PCCA: variants seen among roughly 807,000 people sequenced by gnomAD.
PCCA encodes propionyl-CoA carboxylase alpha chain, mitochondrial.
A neutral mutation model predicts 101.3 loss-of-function variants in PCCA; 74 were observed. That is an observed-to-expected ratio of 0.73 (90% CI 0.61 to 0.89). The LOEUF (loss-of-function observed/expected upper bound fraction) is 0.89, where lower values mean the gene tolerates loss of function less well. Ranked by LOEUF, PCCA falls within the 40% of genes least tolerant of loss-of-function variation. The pLI, the probability that PCCA is intolerant of heterozygous loss-of-function variation, is 0.00. For missense variants in PCCA, 891 were observed against 907.0 expected (o/e 0.98, Z 0.23); for synonymous variants, 294 against 313.6 (o/e 0.94, Z 0.66).
intron 7 of PCCA, among the ~76,000 whole-genome samples, chr13:100,224,354 T>C (rs913133449): frequency 2.0e-5 from 3 of 152,218 alleles, no homozygotes; most frequent in African/African-American, 7.2e-5. Context: ...GTGCGGGGCC[T>C]GCCAAGCCCA....
intron 18 of PCCA, among the ~76,000 whole-genome samples, chr13:100,349,881 T>C (rs2073049794): frequency 6.6e-6 from 1 of 152,238 alleles, no homozygotes; most frequent in African/African-American, 2.4e-5. Context: ...GCAGTCATTG[T>C]GTCTGCATTT....
chr13:100,499,117 A>G (rs2085486738), intron 21 of PCCA, among the ~76,000 whole-genome samples: 1 of 152,224 alleles, frequency 6.6e-6, no homozygotes, highest in African/African-American at 2.4e-5. Flanking sequence ...GGGCGTGTGC[A>G]GTCAACACAC....
intron 20 of PCCA, among the ~76,000 whole-genome samples, chr13:100,431,659 G>T (rs754833340): frequency 6.6e-6 from 1 of 151,972 alleles, no homozygotes; most frequent in Non-Finnish European, 1.5e-5. Context: ...GAGGTCAGGA[G>T]ATCGAGACCA....
intron 4 of PCCA, among the ~76,000 whole-genome samples, chr13:100,134,437 G>A (rs192269977): frequency 9.7e-4 from 148 of 152,314 alleles, no homozygotes; most frequent in African/African-American, 3.4e-3. Flanking sequence ...AAATCCTGCT[G>A]AGATTTTGAT....
rs2152588978 is a variant in PCCA at position 100,273,301 on chromosome 13, C to T, written c.1020C>T (p.Asp340=). 6.2e-7 allele frequency: 1 copy of T among 1,612,596 alleles called. No individual in the cohort carries two copies. Among genetic ancestry groups the T allele is most frequent in the African/African-American group, 1.3e-5 (1 of 75,010 alleles). ...SSAGTVEFLV[D]SKKNFYFLEM... is the part of the protein sequence containing the mutation. ...CTGGGACCGTGGAGTTCCTTGTGGA[C>T]TCTAAGAAGAATTTTTATTTCTTGG... is the stretch of plus-strand genomic sequence containing the variant. Residue 340 remains aspartate (D), a synonymous_variant, in exon 12 of 24, where the codon GAC becomes GAT. Transcript: ENST00000376285.
chr13:100,341,096 A>G (rs2071240189), intron 18 of PCCA, among the ~76,000 whole-genome samples: 1 of 152,084 alleles, frequency 6.6e-6, no homozygotes, highest in Non-Finnish European at 1.5e-5. Context: ...TGTAGTTGGT[A>G]CTCTTCACTT....
chr13:100,513,682 A>G (rs1184297184), intron 21 of PCCA, among the ~76,000 whole-genome samples: 3 of 152,244 alleles, frequency 2.0e-5, no homozygotes, highest in Admixed American at 2.0e-4. Context: ...TTCTCAGCGA[A>G]TGAAGATACT....
intron 4 of PCCA, among the ~76,000 whole-genome samples, chr13:100,116,129 A>G (rs547184141): frequency 5.2e-4 from 79 of 152,352 alleles, no homozygotes; most frequent in Non-Finnish European, 9.4e-4. Flanking sequence ...GGTTACTATC[A>G]TAGCTAATCA....
Position 100,515,581 on chromosome 13 carries a change from G to A in PCCA, c.2040+14G>A, listed in dbSNP as rs2086776477. ...CCTGGAGACGCGGTAAGGGCTGTGT[G>A]TGTCTCTCTGCAGGACATGCTGGTC... is the stretch of plus-strand genomic sequence containing the variant. On this transcript the variant is annotated intron_variant, in intron 22 of 23. Coordinates refer to ENST00000376285, the MANE Select transcript of PCCA (RefSeq NM_000282.4). 6.2e-7 allele frequency: 1 copy of A among 1,612,758 alleles called. No individual in the cohort carries two copies. Among genetic ancestry groups the A allele is most frequent in the East Asian group, 2.2e-5 (1 of 44,882 alleles).
At chr13:100,499,549 A>T (rs190111099) in intron 21 of PCCA, among the ~76,000 whole-genome samples, 1 of 152,222 alleles carries the variant, frequency 6.6e-6, no homozygotes, top group African/African-American at 2.4e-5. Flanking sequence ...ACAGACTTTT[A>T]TGTTGGGACA....
chr13:100,478,626 G>T (rs972698565), intron 21 of PCCA, among the ~76,000 whole-genome samples: 1 of 152,306 alleles, frequency 6.6e-6, no homozygotes, highest in East Asian at 1.9e-4. Context: ...GAAATTGCCT[G>T]GTCAGGAGGG....
intron 12 of PCCA, among the ~76,000 whole-genome samples, chr13:100,281,375 A>C (rs1176138340): frequency 6.6e-6 from 1 of 152,222 alleles, no homozygotes; most frequent in Non-Finnish European, 1.5e-5. Flanking sequence ...TAAGATGGAA[A>C]AGACATTAAA....
chr13:100,492,067 A>T (rs72658600), intron 21 of PCCA, among the ~76,000 whole-genome samples: 4,368 of 152,068 alleles, frequency 0.029, 90 homozygotes, highest in Non-Finnish European at 0.045. Context: ...GTTCAATATG[A>T]CTTTTAGAAG....
chr13:100,467,718 C>T (rs1299941183), intron 21 of PCCA, among the ~76,000 whole-genome samples: 1 of 152,170 alleles, frequency 6.6e-6, no homozygotes, highest in African/African-American at 2.4e-5. Flanking sequence ...GTCCAAGCTC[C>T]ACTCCTAGTT....
chr13:100,374,836 G>A (rs1220941650), intron 19 of PCCA, among the ~76,000 whole-genome samples: 2 of 151,976 alleles, frequency 1.3e-5, no homozygotes, highest in African/African-American at 4.8e-5. Flanking sequence ...ATTTTGTAAG[G>A]ACCTAAGGGT....
chr13:100,473,343 A>T (rs1248563891), intron 21 of PCCA: 2 of 152,160 alleles, frequency 1.3e-5, no homozygotes, highest in Non-Finnish European at 2.9e-5. Context: ...GACCCAAACG[A>T]TGTCAAACTA....
intron 4 of PCCA, among the ~76,000 whole-genome samples, chr13:100,141,257 G>T (rs1250395864): frequency 6.6e-6 from 1 of 151,856 alleles, no homozygotes; most frequent in Non-Finnish European, 1.5e-5. Flanking sequence ...TTCTATACTG[G>T]CACCTTTCAC....
At chr13:100,500,461 C>G (rs1271717597) in intron 21 of PCCA, among the ~76,000 whole-genome samples, 1 of 152,118 alleles carries the variant, frequency 6.6e-6, no homozygotes, top group Non-Finnish European at 1.5e-5. Flanking sequence ...TTTTCTAAGA[C>G]TTGTTAGCTT....
intron 2 of PCCA, chr13:100,104,417 G>A (rs1466006235): frequency 6.6e-6 from 1 of 152,130 alleles, no homozygotes; most frequent in Non-Finnish European, 1.5e-5. Flanking sequence ...GATCATGGGG[G>A]CAGTTTCTTC....
Sources: allele counts gnomAD v4.1 joint callset (sites outside exome capture counted in the v4.1 genomes callset), GRCh38; gene constraint gnomAD v4.1.1; transcripts MANE v1.5; gene names NCBI Gene and HGNC (gene_info 2026-07-23, HGNC 2026-07-21).